Variants in MIS18A observed in about 807,000 individuals in gnomAD.
MIS18A encodes protein Mis18-alpha.
A neutral mutation model predicts 25.0 loss-of-function variants in MIS18A; 14 were observed. That is an observed-to-expected ratio of 0.56 (90% CI 0.37 to 0.88). The LOEUF is 0.88. MIS18A is among the 40% of genes least tolerant of loss of function. The pLI is 0.00. For synonymous variants in MIS18A, 134 were observed against 118.6 expected, an observed-to-expected ratio of 1.13 and a Z score of -0.84; for missense variants, 292 against 290.8, an observed-to-expected ratio of 1.00 and a Z score of -0.03.
At chr21:32,261,717 C>T in the MIS18A span, 14 of 152,160 alleles carry the variant, frequency 9.2e-5, no homozygotes, top group Admixed American at 3.3e-4. Flanking sequence ...CAATGATAAC[C>T]GCAATAAAGT....
chr21:32,223,508 C>T, the MIS18A span, among the ~76,000 whole-genome samples: 1 of 152,162 alleles, frequency 6.6e-6, no homozygotes, highest in African/African-American at 2.4e-5. Flanking sequence ...CACATCTACA[C>T]AAATAAACCA....
At chr21:32,174,802 C>A in the MIS18A span, among the ~76,000 whole-genome samples, 2 of 152,148 alleles carry the variant, frequency 1.3e-5, no homozygotes, top group East Asian at 3.9e-4. Flanking sequence ...ACATAATATT[C>A]AATGACATAG....
At chr21:32,174,298 A>C in the MIS18A span, among the ~76,000 whole-genome samples, 1 of 152,144 alleles carries the variant, frequency 6.6e-6, no homozygotes, top group Non-Finnish European at 1.5e-5. Context: ...GCGTTTTTAA[A>C]ACATGCATGC....
the MIS18A span, among the ~76,000 whole-genome samples, chr21:32,242,493 T>A: frequency 6.6e-6 from 1 of 152,102 alleles, no homozygotes. Flanking sequence ...AATTAGACTG[T>A]ACTTAAAAAA....
chr21:32,253,201 C>T, the MIS18A span, among the ~76,000 whole-genome samples: 1 of 152,154 alleles, frequency 6.6e-6, no homozygotes, highest in Admixed American at 6.5e-5. Context: ...TGATGGCCTG[C>T]AGATGAGCAG....
At chr21:32,216,237 C>T in the MIS18A span, among the ~76,000 whole-genome samples, 2 of 152,164 alleles carry the variant, frequency 1.3e-5, no homozygotes, top group African/African-American at 4.8e-5. Context: ...ACCCGTACCC[C>T]CAGATTTGCA....
At chr21:32,158,367 A>G in the MIS18A span, among the ~76,000 whole-genome samples, 635 of 152,354 alleles carry the variant, frequency 4.2e-3, 3 homozygotes, top group Middle Eastern at 0.014. Context: ...TTGCATTGAA[A>G]AAAAGTCAAT....
the MIS18A span, among the ~76,000 whole-genome samples, chr21:32,198,061 G>A: frequency 6.6e-6 from 1 of 152,350 alleles, no homozygotes; most frequent in East Asian, 1.9e-4. Context: ...CCTAATTAGA[G>A]TTCTGGCATC....
chr21:32,188,800 C>G, the MIS18A span, among the ~76,000 whole-genome samples: 1 of 152,050 alleles, frequency 6.6e-6, no homozygotes, highest in African/African-American at 2.4e-5. Flanking sequence ...GATGGGGTGT[C>G]CACTGGACAA....
the MIS18A span, among the ~76,000 whole-genome samples, chr21:32,190,131 T>C: frequency 0.15 from 23,063 of 152,186 alleles, 1,858 homozygotes; most frequent in East Asian, 0.24. Context: ...GATAGTGAAA[T>C]TGATTTTTTC....
chr21:32,192,303 C>A, the MIS18A span, among the ~76,000 whole-genome samples: 1 of 152,218 alleles, frequency 6.6e-6, no homozygotes, highest in Non-Finnish European at 1.5e-5. Flanking sequence ...AACCCGACTG[C>A]AGAACTGCAG....
the MIS18A span, among the ~76,000 whole-genome samples, chr21:32,243,183 T>C: frequency 2.0e-5 from 3 of 152,198 alleles, no homozygotes; most frequent in Admixed American, 1.3e-4. Context: ...CTTTGTAATC[T>C]GGGATTAGGC....
chr21:32,194,376 T>G, the MIS18A span, among the ~76,000 whole-genome samples: 1 of 152,122 alleles, frequency 6.6e-6, no homozygotes, highest in African/African-American at 2.4e-5. Context: ...GATATAGATA[T>G]AGGCCAGGCA....
At chr21:32,231,032 C>T in the MIS18A span, among the ~76,000 whole-genome samples, 5 of 151,758 alleles carry the variant, frequency 3.3e-5, no homozygotes, top group African/African-American at 4.8e-5. Context: ...GCCAGGAGTT[C>T]GAGACCAGCC....
At chr21:32,208,642 T>C in the MIS18A span, among the ~76,000 whole-genome samples, 1 of 152,208 alleles carries the variant, frequency 6.6e-6, no homozygotes, top group African/African-American at 2.4e-5. Context: ...ATACAGTGCA[T>C]TTTTCGGGAA....
the MIS18A span, among the ~76,000 whole-genome samples, chr21:32,158,766 C>T: frequency 1.3e-5 from 2 of 152,178 alleles, no homozygotes; most frequent in Admixed American, 6.5e-5. Context: ...TGAGCCACCA[C>T]ACCCGGCCTG....
the MIS18A span, among the ~76,000 whole-genome samples, chr21:32,213,226 G>T: frequency 6.6e-6 from 1 of 152,172 alleles, no homozygotes; most frequent in African/African-American, 2.4e-5. Context: ...GATATTCACT[G>T]AAATATTATT....
the MIS18A span, among the ~76,000 whole-genome samples, chr21:32,184,025 C>T: frequency 5.9e-5 from 9 of 152,236 alleles, no homozygotes; most frequent in East Asian, 5.8e-4. Flanking sequence ...CAGGGATTTC[C>T]GAGTCAATTT....
the MIS18A span, among the ~76,000 whole-genome samples, chr21:32,160,240 G>C: frequency 1.3e-4 from 20 of 151,246 alleles, no homozygotes; most frequent in African/African-American, 4.9e-4. Context: ...GGGAATTTGG[G>C]TAAGATAAAA....
Sources: gnomAD v4.1 joint callset for allele counts (sites outside exome capture counted in the v4.1 genomes callset) on GRCh38, gnomAD v4.1.1 for gene constraint, MANE v1.5 for transcripts, NCBI Gene and HGNC (gene_info 2026-07-23, HGNC 2026-07-21) for gene names.